The following ELF1 variants were observed in gnomAD, a reference collection of about 807,000 sequenced individuals.
ELF1 encodes E74 like ETS transcription factor 1.
In ELF1, 24 loss-of-function variants were observed where a neutral mutation model predicts 59.9. The observed-to-expected ratio is 0.40, with a 90% confidence interval of 0.29 to 0.56. The LOEUF is 0.56. Ranked by LOEUF, ELF1 falls within the 20% of genes least tolerant of loss-of-function variation. ELF1 has a pLI of 0.44. For synonymous variants in ELF1, 248 were observed against 266.2 expected (o/e 0.93, Z 0.67); for missense variants, 627 against 742.2 (o/e 0.84, Z 1.80).
At chr13:40,985,589 G>T (rs1294186851) in intron 1 of ELF1, among the ~76,000 whole-genome samples, 1 of 152,076 alleles carries the variant, frequency 6.6e-6, no homozygotes, top group Non-Finnish European at 1.5e-5. Flanking sequence ...CCATCTCTAG[G>T]TTCAGCTTCT....
At chr13:40,974,012 A>T (rs1202486972) in intron 2 of ELF1, among the ~76,000 whole-genome samples, 3 of 152,208 alleles carry the variant, frequency 2.0e-5, no homozygotes, top group Non-Finnish European at 4.4e-5. Flanking sequence ...CCCAGGAGCT[A>T]GGAAGAGTGG....
intron 3 of ELF1, among the ~76,000 whole-genome samples, chr13:40,956,848 T>C (rs901530898): frequency 2.0e-5 from 3 of 151,186 alleles, no homozygotes; most frequent in Non-Finnish European, 4.4e-5. Flanking sequence ...TATGCCACCA[T>C]ACTTGGCTAA....
chr13:40,935,556 C>CAGATTG (rs1374266427), intron 8 of ELF1, among the ~76,000 whole-genome samples: 1 of 152,176 alleles, frequency 6.6e-6, no homozygotes, highest in Non-Finnish European at 1.5e-5. Context: ...CGCCCATTCA[C>CAGATTG]GCAGGATACA....
At chr13:40,986,629 T>C (rs1250892284) in intron 1 of ELF1, among the ~76,000 whole-genome samples, 1 of 126,420 alleles carries the variant, frequency 7.9e-6, no homozygotes, top group Non-Finnish European at 1.6e-5. Flanking sequence ...TAACAAATCC[T>C]GCTGCTTCAA....
At chr13:40,954,624 T>G (rs1034626120) in intron 3 of ELF1, among the ~76,000 whole-genome samples, 1 of 152,180 alleles carries the variant, frequency 6.6e-6, no homozygotes, top group Non-Finnish European at 1.5e-5. Flanking sequence ...GTTTTCGTAT[T>G]TTTTTGGTGG....
Position 40,943,104 on chromosome 13 carries a change from G to A in ELF1, c.654C>T (p.Leu218=). Reference sequence around the variant, plus strand: ...ATTTAGGACAAGTAGCCTTGTCCTGGAGCAGTGCCAGTAAAAACTCCCAAA... The same window carrying A: ...ATTTAGGACAAGTAGCCTTGTCCTGAAGCAGTGCCAGTAAAAACTCCCAAA... ...IYLWEFLLAL[L]QDKATCPKYI... Residue 218 remains leucine (L), a synonymous_variant, in exon 7 of 9, where the codon CTC becomes CTT. Coordinates refer to ENST00000239882, the MANE Select transcript of ELF1 (RefSeq NM_172373.4). The A allele has an allele frequency of 6.4e-7, 1 of 1,565,112 alleles. No homozygotes were observed. The highest frequency in any genetic ancestry group is 8.7e-7 in the Non-Finnish European group (1 of 1,153,756).
chr13:40,946,158 T>C lies in ELF1; in HGVS notation c.530-2233A>G, dbSNP rs141587668. On this transcript the variant is annotated intron_variant, in intron 5 of 8. Transcript: ENST00000239882. ...ATGGCCCAATTTCATTTCTTATTTC[T>C]ATAAATTCCATTTGGTTCTTTATCA... 1.4e-4 allele frequency among the ~76,000 whole-genome samples: 22 copies of C among 152,376 alleles called. No homozygotes were observed. The East Asian group carries it at 3.9e-3, about 27-fold the overall frequency.
At chr13:41,012,550 T>C (rs890707321) in intron 1 of ELF1, among the ~76,000 whole-genome samples, 5 of 150,222 alleles carry the variant, frequency 3.3e-5, no homozygotes, top group Admixed American at 6.6e-5. Context: ...CTTTTCTTTT[T>C]TTTTTTTTTT....
chr13:40,983,088 G>A lies in ELF1; in HGVS notation c.-228-806C>T, dbSNP rs182795603. On this transcript the variant is annotated intron_variant, in intron 1 of 8. Coordinates refer to ENST00000239882, the MANE Select transcript of ELF1 (RefSeq NM_172373.4). ...GGCTTTTAAAATGTCTGCCAAAGAT[G>A]TTTGCCTATTTAAAAAAAAAGTTAT... 3.8e-3 allele frequency among the ~76,000 whole-genome samples: 572 copies of A among 152,042 alleles called. 2 individuals carry two copies. The highest frequency in any genetic ancestry group is 5.9e-3 in the Non-Finnish European group (403 of 67,986).
chr13:40,965,678 A>G (rs953148661), intron 2 of ELF1, among the ~76,000 whole-genome samples: 10 of 152,294 alleles, frequency 6.6e-5, no homozygotes, highest in African/African-American at 1.9e-4. Context: ...TAACAAAAAC[A>G]TTACATTCCA....
intron 3 of ELF1, among the ~76,000 whole-genome samples, chr13:40,956,427 A>C (rs1253944289): frequency 1.3e-5 from 2 of 152,074 alleles, no homozygotes; most frequent in Admixed American, 6.6e-5. Context: ...CAGGGACACA[A>C]ACACTGTGGA....
intron 8 of ELF1, 53 bp downstream of exon 8, chr13:40,940,868 C>T: frequency 6.6e-7 from 1 of 1,504,650 alleles, no homozygotes; most frequent in African/African-American, 1.4e-5. Flanking sequence ...CAAATAATGT[C>T]TCTGGTCAGA....
intron 1 of ELF1, among the ~76,000 whole-genome samples, chr13:41,025,516 A>G (rs1413908476): frequency 1.3e-5 from 2 of 152,236 alleles, no homozygotes; most frequent in East Asian, 3.8e-4. Context: ...TTAAGTCTTC[A>G]CTGTAGGACA....
At chr13:40,980,401 A>G (rs1490114073) in intron 2 of ELF1, among the ~76,000 whole-genome samples, 1 of 152,210 alleles carries the variant, frequency 6.6e-6, no homozygotes, top group Non-Finnish European at 1.5e-5. Flanking sequence ...ACATATATGT[A>G]CATGCTGATG....
rs1287151815 is a variant in ELF1 at position 40,933,869 on chromosome 13, T to C, written c.1416A>G (p.Pro472=). ...GSQKFILQAI[P]SSQPMTVLKE... ...TCAGTACTGTCATGGGCTGTGATGATGGAATGGCTTGTAAAATAAACTTCT... is the reference window on the plus strand; with the variant it reads ...TCAGTACTGTCATGGGCTGTGATGACGGAATGGCTTGTAAAATAAACTTCT... The change falls in exon 9 of 9, where the codon CCA becomes CCG. Residue 472 remains proline (P), a synonymous_variant. Coordinates refer to ENST00000239882, the MANE Select transcript of ELF1 (RefSeq NM_172373.4). The C allele has an allele frequency of 3.1e-6, 5 of 1,614,224 alleles. No individual in the cohort carries two copies. The highest frequency in any genetic ancestry group is 4.2e-6 in the Non-Finnish European group (5 of 1,180,048).
intron 3 of ELF1, among the ~76,000 whole-genome samples, chr13:40,954,757 G>A (rs1320083614): frequency 3.3e-5 from 5 of 151,158 alleles, no homozygotes; most frequent in African/African-American, 1.2e-4. Context: ...GTGCTCAATG[G>A]TGCCCAGGCT....
chr13:41,031,156 TAA>T (rs1271837870), intron 1 of ELF1, among the ~76,000 whole-genome samples: 6 of 123,392 alleles, frequency 4.9e-5, no homozygotes, highest in African/African-American at 9.0e-5. Context: ...GAGACCCTAT[TAA>T]AAAAAAAAAA....
At position 40,968,721 on chromosome 13, in the gene ELF1, C is replaced by CTTTTTTTTTTTT. The variant is rs35089615; in HGVS notation, c.73-9717_73-9706dup. Among the ~76,000 whole-genome samples, 548 of 137,274 alleles carry CTTTTTTTTTTTT rather than the reference C, an allele frequency of 4.0e-3. 2 individuals carry two copies. The highest frequency in any genetic ancestry group is 0.014 in the African/African-American group (519 of 37,272). 90.1% of individuals were successfully genotyped at this position (137,274 alleles called of 152,430 possible). The stretch of plus-strand genomic sequence containing the variant: ...GCTCCCTGTAAACACTTTCTATATT[C>CTTTTTTTTTTTT]TTTTTTTTTTTTTTTTTAGACAGGG... On this transcript the variant is annotated intron_variant, in intron 2 of 8. Transcript: ENST00000239882.
chr13:40,941,362 T>C lies in ELF1; in HGVS notation c.815A>G (p.Tyr272Cys). 6.3e-7 allele frequency: 1 copy of C among 1,590,982 alleles called. No homozygotes were observed. The highest frequency in any genetic ancestry group is 8.5e-7 in the Non-Finnish European group (1 of 1,171,898). The change falls in exon 8 of 9, where the codon TAC becomes TGC. Residue 272 changes from tyrosine to cysteine, a missense_variant. Tyr to Cys is a radical substitution (Grantham distance 194, BLOSUM62 -2). This residue lies in a region of ELF1 where 34 missense variants were observed against 76.8 expected (regional missense o/e 0.44). Coordinates refer to ENST00000239882, the MANE Select transcript of ELF1 (RefSeq NM_172373.4). ...ETMGRALRYY[Y>C]QRGILAKVEG... is the part of the protein sequence containing the mutation. ...CACTTTTGCCAGAATACCCCTTTGGTAATAGTACCTATTCAAAGCAGACAA... is the reference window on the plus strand; with the variant it reads ...CACTTTTGCCAGAATACCCCTTTGGCAATAGTACCTATTCAAAGCAGACAA...
Sources: gnomAD v4.1 joint callset for allele counts (sites outside exome capture counted in the v4.1 genomes callset) on GRCh38, gnomAD v4.1.1 for gene constraint, gnomAD v4.1.1 regional missense constraint, MANE v1.5 for transcripts, NCBI Gene and HGNC (gene_info 2026-07-23, HGNC 2026-07-21) for gene names.